The following ATP6V1E1 variants were observed in gnomAD, a reference collection of about 807,000 sequenced individuals.
ATP6V1E1 encodes ATPase H+ transporting V1 subunit E1.
ATP6V1E1 carries 21 observed loss-of-function variants against 35.2 expected under a neutral mutation model. The ratio of observed to expected loss-of-function variants is 0.60; its 90% CI spans 0.42 to 0.86. The LOEUF is 0.86. Ranked by LOEUF, ATP6V1E1 falls within the 40% of genes least tolerant of loss-of-function variation. The pLI is 0.00. For missense variants in ATP6V1E1, 183 were observed against 272.6 expected (o/e 0.67, Z 2.32); for synonymous variants, 83 against 87.8 (o/e 0.95, Z 0.30).
chr22:17,600,872 G>A (rs778139439), intron 5 of ATP6V1E1: 13 of 356,738 alleles, frequency 3.6e-5, no homozygotes, highest in Non-Finnish European at 5.6e-5. Context: ...AGTAGGCCTG[G>A]AAGTCTTATC....
At chr22:17,613,443 T>C (rs2057825372) in intron 2 of ATP6V1E1, 123 bp from the exon 3 acceptor site, 1 of 721,628 alleles carries the variant, frequency 1.4e-6, no homozygotes, top group Admixed American at 2.9e-5. Flanking sequence ...GAAAATTTAT[T>C]GTGATTCATT....
chr22:17,610,447 T>A (rs2057809801), intron 4 of ATP6V1E1, among the ~76,000 whole-genome samples: 1 of 152,148 alleles, frequency 6.6e-6, no homozygotes, highest in Admixed American at 6.6e-5. Flanking sequence ...ATTTCTATAA[T>A]ATGTTAGATG....
chr22:17,613,409 A>T (rs992454213), intron 2 of ATP6V1E1, 89 bp from the exon 3 acceptor site: 2 of 971,012 alleles, frequency 2.1e-6, no homozygotes, highest in African/African-American at 3.3e-5. Context: ...CTTGCTTATG[A>T]ACACTAATTT....
At chr22:17,625,857 T>C (rs1568896450) in intron 1 of ATP6V1E1, among the ~76,000 whole-genome samples, 1 of 149,438 alleles carries the variant, frequency 6.7e-6, no homozygotes, top group African/African-American at 2.5e-5. Context: ...GACTTGAAGG[T>C]ATGGCACTTA....
At chr22:17,609,820 T>G (rs544134164) in intron 4 of ATP6V1E1, among the ~76,000 whole-genome samples, 4 of 152,064 alleles carry the variant, frequency 2.6e-5, no homozygotes, top group Non-Finnish European at 5.9e-5. Context: ...CCACTGTGTG[T>G]CATGAGAGAT....
Position 17,601,108 on chromosome 22 carries a change from T to C in ATP6V1E1, c.350A>G (p.Asp117Gly). The change falls in exon 5 of 9, where the codon GAT (aspartate) becomes GGT (glycine). Residue 117 changes from aspartate to glycine, a missense_variant. By Grantham distance (94) the Asp-to-Gly change is moderately conservative. Coordinates refer to ENST00000253413, the MANE Select transcript of ATP6V1E1 (RefSeq NM_001696.4). ...TGAGGGTACCTGGAGAACCAGTCCA[T>C]CCAGCAGCACTTGGTACCTGGTTGT... ...KDTTRYQVLL[D>G]GLVLQGLYQL... The C allele has an allele frequency of 6.2e-7, 1 of 1,613,252 alleles. No homozygotes were observed. Among genetic ancestry groups the C allele is most frequent in the Admixed American group, 1.7e-5 (1 of 59,978 alleles).
chr22:17,620,811 C>A (rs1434878298), intron 1 of ATP6V1E1, among the ~76,000 whole-genome samples: 1 of 152,064 alleles, frequency 6.6e-6, no homozygotes, highest in Non-Finnish European at 1.5e-5. Flanking sequence ...CGCCTGTAAT[C>A]CCAGAACTTT....
intron 1 of ATP6V1E1, among the ~76,000 whole-genome samples, chr22:17,623,228 A>C (rs1403944056): frequency 2.6e-5 from 4 of 152,164 alleles, no homozygotes; most frequent in African/African-American, 9.7e-5. Flanking sequence ...GAGCCTTGAA[A>C]TACTTGGGGT....
intron 6 of ATP6V1E1, 38 bp from the exon 7 acceptor site, chr22:17,598,326 A>T: frequency 6.7e-7 from 1 of 1,502,504 alleles, no homozygotes; most frequent in Non-Finnish European, 9.3e-7. Context: ...GTCACTAGGA[A>T]CTATGAAGCA....
At position 17,616,864 on chromosome 22, in the gene ATP6V1E1, C is replaced by T. The variant is rs1364416131; in HGVS notation, c.99+2597G>A. Among the ~76,000 whole-genome samples, 6 of 74,782 alleles carry T rather than the reference C, an allele frequency of 8.0e-5. No individual in the cohort carries two copies. The East Asian group carries it at 8.6e-4, about 11-fold the overall frequency. The allele number at this position is 74,782 out of a possible 152,430, so 49.1% of individuals were successfully genotyped here. The stretch of plus-strand genomic sequence containing the variant: ...GAGATCGAGACCATCCCGGCTAAAA[C>T]GGTGAAACCCCGTCTCTACTAAAAA... On this transcript the variant is annotated intron_variant, in intron 2 of 8. Coordinates refer to ENST00000253413, the MANE Select transcript of ATP6V1E1 (RefSeq NM_001696.4).
rs1165087048 is a variant in ATP6V1E1 at position 17,598,176 on chromosome 22, A to T, written c.530+18T>A. ...CCAGGGAGAGAAGGTAGCTGTTAGC[A>T]GCAGGAATACTCCTTACATGTCTTC... On this transcript the variant is annotated intron_variant, in intron 7 of 8. Coordinates refer to ENST00000253413, the MANE Select transcript of ATP6V1E1 (RefSeq NM_001696.4). The T allele has an allele frequency of 1.3e-6, 2 of 1,589,724 alleles. No homozygotes were observed. Among genetic ancestry groups the T allele is most frequent in the South Asian group, 2.2e-5 (2 of 90,446 alleles).
intron 2 of ATP6V1E1, among the ~76,000 whole-genome samples, chr22:17,615,085 A>G (rs2146310571): frequency 6.6e-6 from 1 of 151,168 alleles, no homozygotes; most frequent in Admixed American, 6.6e-5. Context: ...GGCGGATCAC[A>G]AGGTCGGGAG....
chr22:17,620,484 C>T (rs1287161808), intron 1 of ATP6V1E1, among the ~76,000 whole-genome samples: 1 of 151,934 alleles, frequency 6.6e-6, no homozygotes, highest in Non-Finnish European at 1.5e-5. Context: ...CCCTTTGCGT[C>T]CGTGACTTCC....
chr22:17,614,953 T>TAA (rs2057835515), intron 2 of ATP6V1E1, among the ~76,000 whole-genome samples: 2 of 114,986 alleles, frequency 1.7e-5, no homozygotes, highest in African/African-American at 7.3e-5. Flanking sequence ...AGACACCGTT[T>TAA]CAAAAAAAAA....
intron 2 of ATP6V1E1, among the ~76,000 whole-genome samples, chr22:17,614,454 C>T (rs990588866): frequency 2.0e-5 from 3 of 151,280 alleles, no homozygotes; most frequent in African/African-American, 4.8e-5. Flanking sequence ...GTCGGGAGTT[C>T]GAGACCAGCC....
chr22:17,614,500 TACAC>T (rs112669120), intron 2 of ATP6V1E1, among the ~76,000 whole-genome samples: 3 of 148,564 alleles, frequency 2.0e-5, no homozygotes, highest in African/African-American at 5.0e-5. Flanking sequence ...CTACTAAAAA[TACAC>T]ACACACACAC....
At chr22:17,624,923 GA>G in intron 1 of ATP6V1E1, among the ~76,000 whole-genome samples, 1 of 152,158 alleles carries the variant, frequency 6.6e-6, no homozygotes, top group East Asian at 1.9e-4. Context: ...TTATGACAAG[GA>G]GGGAAGAAAG....
In ATP6V1E1 at chr22:17,600,118, T is replaced by A. The variant is rs767822416; in HGVS notation, c.367-23A>T. 24 of 1,601,114 alleles carry A rather than the reference T, an allele frequency of 1.5e-5. No homozygotes were observed. The South Asian group carries it at 2.5e-4, about 17-fold the overall frequency. On this transcript the variant is annotated intron_variant, in intron 5 of 8. Transcript: ENST00000253413. ...ACCCTGGAAGAAATAGTAGATACAG[T>A]CAGTAGAAAATGCAAACTATAAAAT...
intron 4 of ATP6V1E1, among the ~76,000 whole-genome samples, chr22:17,602,140 C>T (rs2057764928): frequency 6.6e-6 from 1 of 152,200 alleles, no homozygotes; most frequent in South Asian, 2.1e-4. Flanking sequence ...CTCCTGGCCT[C>T]AAGCAATCTT....
Sources: allele counts gnomAD v4.1 joint callset (sites outside exome capture counted in the v4.1 genomes callset), GRCh38; gene constraint gnomAD v4.1.1; transcripts MANE v1.5; gene names NCBI Gene and HGNC (gene_info 2026-07-23, HGNC 2026-07-21).